The following MSR1 variants were observed in gnomAD, a reference collection of about 807,000 sequenced individuals.
The protein encoded by MSR1 is macrophage scavenger receptor 1.
In MSR1, 53 loss-of-function variants were observed where a neutral mutation model predicts 47.2. The ratio of observed to expected loss-of-function variants is 1.12; its 90% CI spans 0.90 to 1.41. MSR1 has a LOEUF of 1.41. Ranked by LOEUF, MSR1 falls within the 40% of genes most tolerant of loss-of-function variation. The pLI is 0.00. For missense variants in MSR1, 786 were observed against 546.9 expected (o/e 1.44, Z -4.36); for synonymous variants, 239 against 185.6 (o/e 1.29, Z -2.34).
chr8:16,134,110 T>C (rs569849469), intron 8 of MSR1, among the ~76,000 whole-genome samples: 13 of 152,324 alleles, frequency 8.5e-5, no homozygotes, highest in South Asian at 4.1e-4. Context: ...CTTTGGGACA[T>C]TGTGCCTATA....
chr8:16,164,571 T>C (rs1226550932), intron 4 of MSR1, among the ~76,000 whole-genome samples: 1 of 151,988 alleles, frequency 6.6e-6, no homozygotes, highest in Non-Finnish European at 1.5e-5. Context: ...CCATAAGGTC[T>C]TAATTTATCT....
chr8:16,146,015 G>A (rs2117120484), intron 7 of MSR1, among the ~76,000 whole-genome samples: 1 of 152,192 alleles, frequency 6.6e-6, no homozygotes, highest in African/African-American at 2.4e-5. Flanking sequence ...AACTTGAAAG[G>A]ATGTAAGAGG....
chr8:16,117,156 T>C (rs1437597377), intron 9 of MSR1, among the ~76,000 whole-genome samples: 1 of 152,096 alleles, frequency 6.6e-6, no homozygotes, highest in Non-Finnish European at 1.5e-5. Flanking sequence ...GCTTCATCTG[T>C]ATTTACTGCC....
chr8:16,160,600 A>G (rs1801133830), intron 5 of MSR1, among the ~76,000 whole-genome samples: 2 of 152,116 alleles, frequency 1.3e-5, no homozygotes, highest in South Asian at 4.1e-4. Context: ...CTATGAGGAA[A>G]TTAAAGCAAA....
chr8:16,152,923 T>A (rs116772881), intron 6 of MSR1, among the ~76,000 whole-genome samples: 284 of 152,176 alleles, frequency 1.9e-3, no homozygotes, highest in African/African-American at 5.8e-3. Flanking sequence ...GAGTGAAAAG[T>A]GATAGGTCAT....
intron 1 of MSR1, among the ~76,000 whole-genome samples, chr8:16,188,602 T>A (rs978495701): frequency 3.9e-5 from 6 of 151,944 alleles, no homozygotes; most frequent in African/African-American, 1.2e-4. Context: ...CATCAGCCCA[T>A]CATCTAGGTT....
chr8:16,168,233 T>C (rs1192291888), intron 4 of MSR1, among the ~76,000 whole-genome samples: 1 of 152,194 alleles, frequency 6.6e-6, no homozygotes, highest in African/African-American at 2.4e-5. Flanking sequence ...AGGGAGTCTA[T>C]ATTCAATGGG....
In MSR1 at chr8:16,191,783, T is replaced by A. The variant is rs558978836; in HGVS notation, c.-5+815A>T. On this transcript the variant is annotated intron_variant, in intron 1 of 9. Coordinates refer to ENST00000262101, the MANE Select transcript of MSR1 (RefSeq NM_138715.3). ...TCTATGGTTTTTCTATAAGTATTTT[T>A]ACCTGGTCAGTGCAAATGCCAACCT... Among the ~76,000 whole-genome samples the A allele has an allele frequency of 9.8e-5, 15 of 152,328 alleles. No individual in the cohort carries two copies. In the East Asian group the frequency reaches 2.5e-3, roughly 25 times the overall value.
At position 16,159,900 on chromosome 8, in the gene MSR1, T is replaced by C. The variant is rs561677871; in HGVS notation, c.817+4165A>G. On this transcript the variant is annotated intron_variant, in intron 5 of 9. Transcript: ENST00000262101. ...GAATGATAAACAAGATATCTTCGAA[T>C]ACAAATCAAAGAGAAAATATTTCAA... Among the ~76,000 whole-genome samples the C allele has an allele frequency of 2.0e-5, 3 of 151,972 alleles. No homozygotes were observed. The South Asian group carries it at 6.2e-4, about 31-fold the overall frequency.
intron 1 of MSR1, among the ~76,000 whole-genome samples, chr8:16,183,669 T>C (rs1023805461): frequency 2.2e-5 from 3 of 138,718 alleles, no homozygotes; most frequent in Admixed American, 8.1e-5. Context: ...TAATATAACA[T>C]ATATTATAAA....
intron 9 of MSR1, among the ~76,000 whole-genome samples, chr8:16,113,653 T>C (rs1799812641): frequency 6.6e-6 from 1 of 152,160 alleles, no homozygotes; most frequent in African/African-American, 2.4e-5. Flanking sequence ...TTTGTGCTTA[T>C]AGAGAAACCA....
chr8:16,139,750 A>G (rs1800481369), intron 8 of MSR1: 2 of 124,332 alleles, frequency 1.6e-5, no homozygotes, highest in Non-Finnish European at 1.9e-5. Flanking sequence ...CAAAACTTAA[A>G]AAAAAAAAAA....
intron 8 of MSR1, chr8:16,140,820 C>G: frequency 6.5e-7 from 1 of 1,537,900 alleles, no homozygotes; most frequent in South Asian, 1.3e-5. Flanking sequence ...GAGCAGAGGC[C>G]CAAACAGCAC....
chr8:16,147,232 T>G (rs944600744), intron 7 of MSR1, among the ~76,000 whole-genome samples: 1 of 152,200 alleles, frequency 6.6e-6, no homozygotes, highest in Admixed American at 6.5e-5. Flanking sequence ...CTGCTATGCA[T>G]GGAGAAAGTG....
chr8:16,125,727 C>T, intron 8 of MSR1, among the ~76,000 whole-genome samples: 1 of 152,180 alleles, frequency 6.6e-6, no homozygotes, highest in Non-Finnish European at 1.5e-5. Flanking sequence ...CATACTGGTA[C>T]TTCAACTCTG....
At chr8:16,177,574 A>T (rs1288105615) in intron 2 of MSR1, among the ~76,000 whole-genome samples, 3 of 152,042 alleles carry the variant, frequency 2.0e-5, no homozygotes, top group Non-Finnish European at 4.4e-5. Context: ...GAAAACTAAT[A>T]CAGGCACCTA....
chr8:16,153,953 T>C (rs1800929408), intron 6 of MSR1, among the ~76,000 whole-genome samples: 2 of 151,990 alleles, frequency 1.3e-5, no homozygotes, highest in Admixed American at 1.3e-4. Flanking sequence ...TCAATACTAA[T>C]ACCACCTGAC....
At chr8:16,140,931 T>C (rs1800539944) in intron 8 of MSR1, 3 of 1,612,984 alleles carry the variant, frequency 1.9e-6, no homozygotes, top group Non-Finnish European at 2.5e-6. Context: ...GTTGTGCAGA[T>C]GACTTGTCCA....
At chr8:16,118,160 A>G (rs1348546630) in intron 9 of MSR1, among the ~76,000 whole-genome samples, 1 of 152,120 alleles carries the variant, frequency 6.6e-6, no homozygotes, top group Non-Finnish European at 1.5e-5. Flanking sequence ...TGATTATATT[A>G]TCTAAATAAC....
Sources: allele counts gnomAD v4.1 joint callset (sites outside exome capture counted in the v4.1 genomes callset), GRCh38; gene constraint gnomAD v4.1.1; transcripts MANE v1.5; gene names NCBI Gene and HGNC (gene_info 2026-07-23, HGNC 2026-07-21).